Variants in BLVRA observed in about 807,000 individuals in gnomAD.
BLVRA encodes the protein biliverdin reductase A, also known as BVR A.
BLVRA carries 22 observed loss-of-function variants against 32.8 expected under a neutral mutation model. That is an observed-to-expected ratio of 0.67 (90% CI 0.48 to 0.96). The LOEUF is 0.96. BLVRA is among the 40% of genes least tolerant of loss of function. The pLI, the probability that BLVRA is intolerant of heterozygous loss-of-function variation, is 0.00. For synonymous variants in BLVRA, 119 were observed against 141.3 expected, an observed-to-expected ratio of 0.84 and a Z score of 1.12; for missense variants, 323 against 358.1, an observed-to-expected ratio of 0.90 and a Z score of 0.79.
intron 2 of BLVRA, among the ~76,000 whole-genome samples, chr7:43,775,182 T>A (rs2095759307): frequency 6.6e-6 from 1 of 152,082 alleles, no homozygotes; most frequent in Non-Finnish European, 1.5e-5. Context: ...CTATGTTGAA[T>A]AGGAGTGGTG....
At chr7:43,806,870 A>G in intron 7 of BLVRA, 107 bp from the exon 8 acceptor site, 1 of 1,302,582 alleles carries the variant, frequency 7.7e-7, no homozygotes, top group Non-Finnish European at 1.1e-6. Flanking sequence ...TGCAAGGAGG[A>G]TGGGTGCCTG....
intron 3 of BLVRA, among the ~76,000 whole-genome samples, chr7:43,788,638 C>G (rs192477904): frequency 6.6e-6 from 1 of 152,116 alleles, no homozygotes; most frequent in African/African-American, 2.4e-5. Flanking sequence ...GAGACAGAGT[C>G]TCACTCTGTC....
chr7:43,802,507 TA>T (rs1563552517), intron 6 of BLVRA, among the ~76,000 whole-genome samples: 1 of 152,104 alleles, frequency 6.6e-6, no homozygotes, highest in East Asian at 1.9e-4. Flanking sequence ...TATATATATA[TA>T]TTTTTTTGAT....
At chr7:43,763,065 C>T (rs2095744137) in intron 1 of BLVRA, among the ~76,000 whole-genome samples, 1 of 152,086 alleles carries the variant, frequency 6.6e-6, no homozygotes. Flanking sequence ...CAGTGAAAAG[C>T]ATAAAAATGA....
intron 5 of BLVRA, among the ~76,000 whole-genome samples, chr7:43,795,682 A>G (rs190489607): frequency 6.6e-6 from 1 of 152,328 alleles, no homozygotes; most frequent in East Asian, 1.9e-4. Context: ...ATCGAAAATT[A>G]GCAGAAAAAA....
intron 2 of BLVRA, among the ~76,000 whole-genome samples, chr7:43,773,221 T>C (rs1017623703): frequency 2.0e-5 from 3 of 152,138 alleles, no homozygotes; most frequent in African/African-American, 7.2e-5. Context: ...ATGTGCCATG[T>C]TGGTGTACTG....
chr7:43,776,410 A>C lies in BLVRA; in HGVS notation c.12+5240A>C, dbSNP rs1171782868. Among the ~76,000 whole-genome samples, 8 of 152,332 alleles carry C rather than the reference A, an allele frequency of 5.3e-5. No homozygotes were observed. The South Asian group carries it at 1.0e-3, about 20-fold the overall frequency. On this transcript the variant is annotated intron_variant, in intron 2 of 7. Transcript: ENST00000265523. ...TCATTTCATTATGTACCCAGTAGTC[A>C]TTCAGGAGCTGGTTGTTCAGTTTCC...
intron 3 of BLVRA, among the ~76,000 whole-genome samples, 183 bp from the exon 4 acceptor site, chr7:43,791,066 A>G (rs566260059): frequency 1.3e-5 from 2 of 152,308 alleles, no homozygotes; most frequent in East Asian, 3.9e-4. Context: ...AGATCCCCTG[A>G]CTTGAACTCT....
Position 43,807,312 on chromosome 7 carries a change from C to T in BLVRA, c.*77C>T, listed in dbSNP as rs2095805069. ...TCAAGAGTTGACCATTATCTCTATT[C>T]TTAAAATTAAACATGTTGGGGAAAC... On this transcript the variant is annotated 3_prime_UTR_variant, in exon 8 of 8. Transcript: ENST00000265523. 2.5e-6 allele frequency: 4 copies of T among 1,578,640 alleles called. No individual in the cohort carries two copies. The East Asian group carries it at 8.9e-5, about 35-fold the overall frequency.
intron 1 of BLVRA, chr7:43,767,468 A>T (rs1585711333): frequency 7.0e-7 from 1 of 1,423,994 alleles, no homozygotes; most frequent in African/African-American, 1.4e-5. Context: ...CGCCCTTGGG[A>T]TATCCAATAA....
intron 1 of BLVRA, among the ~76,000 whole-genome samples, 164 bp downstream of exon 1, chr7:43,758,898 G>T (rs2095739272): frequency 6.6e-6 from 1 of 151,864 alleles, no homozygotes; most frequent in South Asian, 2.1e-4. Flanking sequence ...GCCCCGCCCC[G>T]CCCCGCCCGG....
At chr7:43,780,769 C>T (rs187041160) in intron 2 of BLVRA, among the ~76,000 whole-genome samples, 369 of 152,368 alleles carry the variant, frequency 2.4e-3, no homozygotes, top group African/African-American at 8.5e-3. Context: ...CCAAAGCCAA[C>T]TATTCTAATG....
At chr7:43,793,741 A>G (rs932611150) in intron 5 of BLVRA, among the ~76,000 whole-genome samples, 8 of 150,398 alleles carry the variant, frequency 5.3e-5, no homozygotes, top group Non-Finnish European at 1.0e-4. Flanking sequence ...CTCCTTCCTC[A>G]GCCTCCTGAG....
chr7:43,777,742 T>C (rs1201217847), intron 2 of BLVRA, among the ~76,000 whole-genome samples: 4 of 152,140 alleles, frequency 2.6e-5, no homozygotes, highest in African/African-American at 9.7e-5. Context: ...GAGTGTTTTC[T>C]AACTTCGTTC....
Position 43,762,697 on chromosome 7 carries a change from C to T in BLVRA, c.-22+3963C>T, listed in dbSNP as rs573011565. The stretch of plus-strand genomic sequence containing the variant: ...GACGGTCTCGGCTCATTGCAACCTC[C>T]GCCTCCCAGGTTCGAGCAATTCTCC... On this transcript the variant is annotated intron_variant, in intron 1 of 7. Transcript: ENST00000265523. Among the ~76,000 whole-genome samples, 6 of 150,774 alleles carry T rather than the reference C, an allele frequency of 4.0e-5. No homozygotes were observed. The East Asian group carries it at 6.0e-4, about 15-fold the overall frequency.
chr7:43,758,221 G>A (rs2095738106), upstream of BLVRA, among the ~76,000 whole-genome samples: 1 of 152,200 alleles, frequency 6.6e-6, no homozygotes, highest in Non-Finnish European at 1.5e-5. Context: ...ACTCAGGTAA[G>A]CCTCGGCGCC....
At chr7:43,796,931 G>A (rs2095793459) in intron 5 of BLVRA, among the ~76,000 whole-genome samples, 1 of 152,206 alleles carries the variant, frequency 6.6e-6, no homozygotes, top group African/African-American at 2.4e-5. Flanking sequence ...TTATTCAGAC[G>A]GCAAACAATC....
At chr7:43,795,862 T>C (rs569167257) in intron 5 of BLVRA, among the ~76,000 whole-genome samples, 2 of 151,778 alleles carry the variant, frequency 1.3e-5, no homozygotes, top group Admixed American at 1.3e-4. Context: ...TCCCAGCATT[T>C]TGGGAGGCCA....
At chr7:43,764,087 T>C (rs1238524352) in intron 1 of BLVRA, 2 of 152,238 alleles carry the variant, frequency 1.3e-5, no homozygotes, top group Non-Finnish European at 2.9e-5. Flanking sequence ...AGCATAATTA[T>C]TGAGCTTTTA....
Sources: gnomAD v4.1 joint callset for allele counts (sites outside exome capture counted in the v4.1 genomes callset) on GRCh38, gnomAD v4.1.1 for gene constraint, MANE v1.5 for transcripts, NCBI Gene and HGNC (gene_info 2026-07-23, HGNC 2026-07-21) for gene names.